Variants in CLCN7 observed in about 807,000 individuals in gnomAD.
CLCN7 encodes the protein H(+)/Cl(-) exchange transporter 7.
In CLCN7, 60 loss-of-function variants were observed where a neutral mutation model predicts 102.1. That is an observed-to-expected ratio of 0.59 (90% CI 0.48 to 0.73). The LOEUF (loss-of-function observed/expected upper bound fraction) is 0.73. Among genes scored for constraint, CLCN7 ranks in the 30% least tolerant of loss-of-function variants. CLCN7 has a pLI of 0.00. For synonymous variants in CLCN7, 560 were observed against 490.5 expected, an observed-to-expected ratio of 1.14 and a Z score of -1.87; for missense variants, 962 against 1,125.7, an observed-to-expected ratio of 0.85 and a Z score of 2.08.
intron 6 of CLCN7, 35 bp downstream of exon 6, chr16:1,460,383 G>T: frequency 6.7e-7 from 1 of 1,484,786 alleles, no homozygotes; most frequent in Non-Finnish European, 9.4e-7. Context: ...AATCCTTCAT[G>T]GGGTCCGCCA....
chr16:1,452,041 G>A (rs1007472150), intron 15 of CLCN7: 17 of 370,652 alleles, frequency 4.6e-5, no homozygotes, highest in African/African-American at 1.5e-4. Flanking sequence ...GGGCCCAGGC[G>A]CTCACATGAG....
Position 1,451,131 on chromosome 16 carries a change from C to T in CLCN7, c.1448-465G>A, listed in dbSNP as rs538239435. ...AGGTGAAAGGCCGGCACTCCAAGGT[C>T]GCGGTCTGCGCTTCCGTGAAACACT... On this transcript the variant is annotated intron_variant, in intron 16 of 24. Transcript: ENST00000382745. 2.6e-5 allele frequency among the ~76,000 whole-genome samples: 4 copies of T among 152,344 alleles called. No individual in the cohort carries two copies. In the East Asian group the frequency reaches 7.7e-4, roughly 29 times the overall value.
intron 7 of CLCN7, among the ~76,000 whole-genome samples, chr16:1,458,361 C>T (rs1484063350): frequency 6.6e-6 from 1 of 152,266 alleles, no homozygotes; most frequent in Non-Finnish European, 1.5e-5. Context: ...AAACTCAACC[C>T]TCAGCCAACA....
At chr16:1,455,081 A>T in intron 12 of CLCN7, 53 bp downstream of exon 12, 1 of 1,052,100 alleles carries the variant, frequency 9.5e-7, no homozygotes, top group South Asian at 1.3e-5. Context: ...TTAAGCAAAC[A>T]GGGTCCTGGA....
chr16:1,463,646 G>A (rs145512236), intron 2 of CLCN7, among the ~76,000 whole-genome samples: 4 of 151,894 alleles, frequency 2.6e-5, no homozygotes, highest in East Asian at 3.9e-4. Context: ...GCTAATTTTC[G>A]TTTTTGTTTT....
intron 1 of CLCN7, among the ~76,000 whole-genome samples, chr16:1,470,033 G>C (rs937914784): frequency 1.3e-5 from 2 of 152,264 alleles, no homozygotes; most frequent in Non-Finnish European, 2.9e-5. Context: ...ATGGCAACGA[G>C]GGGGCTGGGC....
intron 15 of CLCN7, 76 bp from the exon 16 acceptor site, chr16:1,451,792 G>A (rs925750155): frequency 2.2e-5 from 26 of 1,162,158 alleles, no homozygotes; most frequent in Middle Eastern, 4.0e-4. Flanking sequence ...TGGTGTCGCC[G>A]TGAGAGGCCG....
intron 14 of CLCN7, among the ~76,000 whole-genome samples, 167 bp from the exon 15 acceptor site, chr16:1,453,060 T>A (rs1196113729): frequency 6.6e-6 from 1 of 152,160 alleles, no homozygotes; most frequent in Admixed American, 6.5e-5. Flanking sequence ...CAGGCTGGAG[T>A]GCAGTGCTGC....
At chr16:1,467,895 G>A (rs987907916) in intron 1 of CLCN7, 1 of 152,226 alleles carries the variant, frequency 6.6e-6, no homozygotes, top group Non-Finnish European at 1.5e-5. Context: ...AGCCAACCTG[G>A]ACAACGTAGT....
intron 2 of CLCN7, among the ~76,000 whole-genome samples, chr16:1,462,107 A>ACTACAGAC (rs2038946867): frequency 6.6e-6 from 1 of 150,502 alleles, no homozygotes. Flanking sequence ...AAAAAAGAGA[A>ACTACAGAC]CTACAGACCA....
At position 1,457,896 on chromosome 16, in the gene CLCN7, G is replaced by C; in HGVS notation, c.676-140C>G. The C allele has an allele frequency of 1.2e-6, 1 of 816,074 alleles. No homozygotes were observed. The highest frequency in any genetic ancestry group is 2.1e-6 in the Non-Finnish European group (1 of 486,610). The allele number at this position is 816,074 out of a possible 1,614,324, so 50.6% of individuals were successfully genotyped here. A position where few individuals can be genotyped will look rare whatever the true frequency, so the allele number is the denominator to read the frequency against. On this transcript the variant is annotated intron_variant, in intron 7 of 24. Transcript: ENST00000382745. This position sits in a 1 kb window ranked among gnomAD's most constrained non-coding sequence, Gnocchi z 5.4. Reference sequence around the variant, plus strand: ...CTCCGGGAGGGGGCCAGCACCCCCAGGCTGGGTCTCCCCATGGCCACAGTG... The same window carrying C: ...CTCCGGGAGGGGGCCAGCACCCCCACGCTGGGTCTCCCCATGGCCACAGTG...
At position 1,458,974 on chromosome 16, in the gene CLCN7, C is replaced by A. The variant is rs34620436; in HGVS notation, c.675+133G>T. On this transcript the variant is annotated intron_variant, in intron 7 of 24. Transcript: ENST00000382745. ...GTGACCCCTTCACACCCAGCCAGCC[C>A]ATCTGCACACAGTGCCACCAGTACA... 50,618 of 684,544 alleles carry A rather than the reference C, an allele frequency of 0.074. 2,289 individuals are homozygous for A. The highest frequency in any genetic ancestry group is 0.095 in the Non-Finnish European group (38,187 of 400,134). The allele number at this position is 684,544 out of a possible 1,614,324, so 42.4% of individuals were successfully genotyped here.
At chr16:1,474,057 C>T in intron 1 of CLCN7, 1 of 438,908 alleles carries the variant, frequency 2.3e-6, no homozygotes, top group Non-Finnish European at 4.5e-6. Flanking sequence ...GCACTCCAGC[C>T]TGGGCAACTA....
intron 2 of CLCN7, among the ~76,000 whole-genome samples, chr16:1,462,378 T>C (rs2038950322): frequency 7.0e-6 from 1 of 143,118 alleles, no homozygotes; most frequent in South Asian, 2.3e-4. Context: ...TTTTTTTTTT[T>C]TTTTTTTTTT....
rs534498519 is a variant in CLCN7 at position 1,450,730 on chromosome 16, C to T, written c.1448-64G>A. The T allele has an allele frequency of 2.8e-5, 39 of 1,389,808 alleles. 3 individuals carry two copies. The highest frequency in any genetic ancestry group is 2.1e-4 in the Middle Eastern group (1 of 4,742). The allele number at this position is 1,389,808 out of a possible 1,614,324, so 86.1% of individuals were successfully genotyped here. ...CCGCCTCCGCAGGACTGCCCTGCCCCGCTGCCCAGTCTCGGGCCTCACAGT... is the reference window on the plus strand; with the variant it reads ...CCGCCTCCGCAGGACTGCCCTGCCCTGCTGCCCAGTCTCGGGCCTCACAGT... On this transcript the variant is annotated intron_variant, in intron 16 of 24. Transcript: ENST00000382745.
intron 14 of CLCN7, 146 bp from the exon 15 acceptor site, chr16:1,453,039 C>T (rs2038778671): frequency 8.2e-7 from 1 of 1,218,528 alleles, no homozygotes; most frequent in Non-Finnish European, 1.2e-6. Context: ...CGGAGTTTTG[C>T]TCTTGTTGCC....
In CLCN7 at chr16:1,446,239, C is replaced by T. The variant is rs556271192; in HGVS notation, c.*392G>A. The T allele has an allele frequency of 9.0e-6, 6 of 663,508 alleles. No individual in the cohort carries two copies. Among genetic ancestry groups the T allele is most frequent in the African/African-American group, 8.9e-5 (5 of 56,444 alleles). The allele number at this position is 663,508 out of a possible 1,614,324, so 41.1% of individuals were successfully genotyped here. ...AGGGGCCCTTCCAGGGCAGGGCAGC[C>T]CTCGGGGCAGCAGCAGGGGCAAGGG... On this transcript the variant is annotated 3_prime_UTR_variant, in exon 25 of 25. Transcript: ENST00000382745.
chr16:1,468,378 C>T (rs1429631923), intron 1 of CLCN7, among the ~76,000 whole-genome samples: 3 of 152,242 alleles, frequency 2.0e-5, no homozygotes, highest in East Asian at 1.9e-4. Context: ...GATGGGGCTC[C>T]GGCGCCTTGC....
intron 23 of CLCN7, 82 bp downstream of exon 23, chr16:1,447,307 CCGG>C: frequency 1.4e-6 from 2 of 1,395,480 alleles, no homozygotes; most frequent in South Asian, 2.7e-5. Context: ...GTGGCCCCCC[CCGG>C]CTGCCCCTCC....
Sources: gnomAD v4.1 joint callset for allele counts (sites outside exome capture counted in the v4.1 genomes callset) on GRCh38, gnomAD v4.1.1 for gene constraint, Gnocchi (gnomAD v3.1) non-coding constraint, MANE v1.5 for transcripts, NCBI Gene and HGNC (gene_info 2026-07-23, HGNC 2026-07-21) for gene names.